The following ZDHHC5 variants were observed in gnomAD, a reference collection of about 807,000 sequenced individuals.
ZDHHC5 encodes the protein zDHHC palmitoyltransferase 5.
A neutral mutation model predicts 70.0 loss-of-function variants in ZDHHC5; 22 were observed. The ratio of observed to expected loss-of-function variants is 0.31; its 90% confidence interval spans 0.22 to 0.45. The LOEUF is 0.45. Ranked by LOEUF, ZDHHC5 falls within the 20% of genes least tolerant of loss-of-function variation. ZDHHC5 has a pLI of 1.00. For synonymous variants in ZDHHC5, 313 were observed against 347.8 expected (o/e 0.90, Z 1.11); for missense variants, 746 against 926.9 (o/e 0.80, Z 2.53).
chr11:57,688,987 C>G lies in ZDHHC5; in HGVS notation c.384+322C>G, dbSNP rs141746120. ...CAAGTGATCCTCATGCCCTGGCCTC[C>G]CAGAGTGCTGAGTGCTGGGATTACA... On this transcript the variant is annotated intron_variant, in intron 4 of 11. Coordinates refer to ENST00000287169, the MANE Select transcript of ZDHHC5 (RefSeq NM_015457.3). Among the ~76,000 whole-genome samples the G allele has an allele frequency of 1.3e-3, 200 of 152,228 alleles. 2 individuals are homozygous for G. Among genetic ancestry groups the G allele is most frequent in the African/African-American group, 3.9e-3 (163 of 41,530 alleles).
chr11:57,684,063 C>G (rs539721002), intron 3 of ZDHHC5, among the ~76,000 whole-genome samples: 9 of 136,248 alleles, frequency 6.6e-5, no homozygotes, highest in African/African-American at 2.1e-4. Flanking sequence ...CCTTGACCCC[C>G]CCCTGGCTCA....
At chr11:57,677,283 A>ATTTTTTTT (rs1170220902) in intron 2 of ZDHHC5, among the ~76,000 whole-genome samples, 2 of 81,680 alleles carry the variant, frequency 2.4e-5, no homozygotes, top group Admixed American at 1.6e-4. Flanking sequence ...GCTTCACGTG[A>ATTTTTTTT]TTTTTTTTTT....
At chr11:57,684,429 C>CA (rs2135389626) in intron 3 of ZDHHC5, among the ~76,000 whole-genome samples, 1 of 152,126 alleles carries the variant, frequency 6.6e-6, no homozygotes, top group African/African-American at 2.4e-5. Flanking sequence ...ACTAAAAATA[C>CA]AAAAAATTAG....
chr11:57,692,528 C>A, intron 6 of ZDHHC5, 83 bp from the exon 7 acceptor site: 1 of 1,209,334 alleles, frequency 8.3e-7, no homozygotes, highest in Non-Finnish European at 1.2e-6. Context: ...AGTGAGTGCA[C>A]AATAACTTGT....
At chr11:57,681,573 G>C (rs1946150642) in intron 2 of ZDHHC5, 1 of 152,234 alleles carries the variant, frequency 6.6e-6, no homozygotes. Flanking sequence ...AAGAGCTCTT[G>C]AAGCATTCCT....
In ZDHHC5 at chr11:57,697,169, A is replaced by T. The variant is rs140801052; in HGVS notation, c.1122+296A>T. On this transcript the variant is annotated intron_variant, in intron 10 of 11. Transcript: ENST00000287169. ...TGTGGTGAAACCCCATCTCTACTAA[A>T]AATACAAAAATTGCCGGGCACAGTG... Among the ~76,000 whole-genome samples, 1,307 of 152,070 alleles carry T rather than the reference A, an allele frequency of 8.6e-3. 26 individuals are homozygous for T. The highest frequency in any genetic ancestry group is 0.029 in the African/African-American group (1,210 of 41,434).
At chr11:57,677,666 T>C (rs1946089639) in intron 2 of ZDHHC5, among the ~76,000 whole-genome samples, 1 of 152,156 alleles carries the variant, frequency 6.6e-6, no homozygotes, top group Non-Finnish European at 1.5e-5. Flanking sequence ...CCATCCATTA[T>C]ATAGTTTGCG....
At chr11:57,671,839 G>A (rs527814730) in intron 1 of ZDHHC5, among the ~76,000 whole-genome samples, 182 bp from the exon 2 acceptor site, 1 of 152,186 alleles carries the variant, frequency 6.6e-6, no homozygotes, top group East Asian at 1.9e-4. Flanking sequence ...CAGAGCAAAG[G>A]ATTCTCAAGT....
intron 9 of ZDHHC5, 125 bp from the exon 10 acceptor site, chr11:57,696,636 G>A: frequency 1.2e-6 from 1 of 801,970 alleles, no homozygotes; most frequent in Non-Finnish European, 2.0e-6. Flanking sequence ...GAGCCCAGGA[G>A]TTCAAGGCTC....
At chr11:57,677,757 TC>T (rs1946090699) in intron 2 of ZDHHC5, among the ~76,000 whole-genome samples, 1 of 152,024 alleles carries the variant, frequency 6.6e-6, no homozygotes, top group Admixed American at 6.6e-5. Flanking sequence ...TTCTCTCTGG[TC>T]CCCCCTCCCC....
chr11:57,701,147 TA>T lies in ZDHHC5; in HGVS notation c.*1119del, dbSNP rs1946438394. The stretch of plus-strand genomic sequence containing the variant: ...TATTTTTTATTCTGATTAGCCATTT[TA>T]AACCAACGAGGAATAAAAAGAAATC... On this transcript the variant is annotated 3_prime_UTR_variant, in exon 12 of 12. Coordinates refer to ENST00000287169, the MANE Select transcript of ZDHHC5 (RefSeq NM_015457.3). 1 of 152,610 alleles carries T rather than the reference TA, an allele frequency of 6.6e-6. No individual in the cohort carries two copies. The highest frequency in any genetic ancestry group is 1.5e-5 in the Non-Finnish European group (1 of 68,036). 9.5% of individuals were successfully genotyped at this position (152,610 alleles called of 1,614,324 possible). A position where few individuals can be genotyped will look rare whatever the true frequency, so the allele number is the denominator to read the frequency against.
chr11:57,698,003 G>A lies in ZDHHC5; in HGVS notation c.1123-556G>A, dbSNP rs545293095. Among the ~76,000 whole-genome samples the A allele has an allele frequency of 6.6e-5, 10 of 151,548 alleles. No individual in the cohort carries two copies. The South Asian group carries it at 1.0e-3, about 16-fold the overall frequency. ...ACAAAAATTAGCTGGGCGTGGTGGC[G>A]GGGCGCCTGTAATCCCAGCTACTCG... On this transcript the variant is annotated intron_variant, in intron 10 of 11. Transcript: ENST00000287169.
chr11:57,689,980 T>C, intron 4 of ZDHHC5, 51 bp from the exon 5 acceptor site: 1 of 1,579,070 alleles, frequency 6.3e-7, no homozygotes, highest in Non-Finnish European at 8.6e-7. Flanking sequence ...ACAGAAGTAA[T>C]TTAATGCTAT....
At chr11:57,697,956 A>C (rs879694287) in intron 10 of ZDHHC5, among the ~76,000 whole-genome samples, 5 of 151,764 alleles carry the variant, frequency 3.3e-5, no homozygotes, top group Non-Finnish European at 7.4e-5. Context: ...CAACTTGGTG[A>C]AACCCTGTCT....
intron 3 of ZDHHC5, among the ~76,000 whole-genome samples, chr11:57,688,203 A>G (rs181212609): frequency 2.6e-5 from 4 of 152,314 alleles, no homozygotes; most frequent in African/African-American, 7.2e-5. Flanking sequence ...TATGTAAACT[A>G]TTTCTTTAAA....
chr11:57,691,993 T>G (rs1946291187), intron 6 of ZDHHC5, among the ~76,000 whole-genome samples: 1 of 152,064 alleles, frequency 6.6e-6, no homozygotes. Context: ...AATTGCTTTT[T>G]TTTTTTCTTT....
chr11:57,699,066 C>G lies in ZDHHC5; in HGVS notation c.1630C>G (p.Leu544Val), dbSNP rs1946400067. The G allele has an allele frequency of 6.2e-7, 1 of 1,613,538 alleles. No homozygotes were observed. Among genetic ancestry groups the G allele is most frequent in the Non-Finnish European group, 8.5e-7 (1 of 1,179,896 alleles). Residue 544 changes from leucine to valine, a missense_variant, in exon 11 of 12, where the codon CTC becomes GTC. Physicochemically the swap from Leu to Val is conservative, Grantham distance 32 (BLOSUM62 1). This residue lies in a region of ZDHHC5 where 340 missense variants were observed against 350.1 expected (regional missense o/e 0.97). Transcript: ENST00000287169. ...DNLSRHIVAS[L>V]QEREKLLRQS... ...TCTGTCGCGCCACATTGTGGCCTCT[C>G]TCCAGGAACGAGAGAAGTTGCTGCG...
At chr11:57,690,831 C>T (rs1946275349) in intron 6 of ZDHHC5, among the ~76,000 whole-genome samples, 1 of 152,104 alleles carries the variant, frequency 6.6e-6, no homozygotes, top group Non-Finnish European at 1.5e-5. Flanking sequence ...GGGAACATAA[C>T]ACCCTGGGGC....
intron 6 of ZDHHC5, 81 bp from the exon 7 acceptor site, chr11:57,692,530 A>T (rs920356415): frequency 8.9e-6 from 11 of 1,236,352 alleles, no homozygotes; most frequent in South Asian, 5.1e-5. Context: ...TGAGTGCACA[A>T]TAACTTGTAA....
Sources: allele counts gnomAD v4.1 joint callset (sites outside exome capture counted in the v4.1 genomes callset), GRCh38; gene constraint gnomAD v4.1.1; regional missense constraint gnomAD v4.1.1; transcripts MANE v1.5; gene names NCBI Gene and HGNC (gene_info 2026-07-23, HGNC 2026-07-21).